The following ZNF341 variants were observed in gnomAD, a reference collection of about 807,000 sequenced individuals.
ZNF341 encodes zinc finger protein 341.
A neutral mutation model predicts 87.7 loss-of-function variants in ZNF341; 52 were observed. That is an observed-to-expected ratio of 0.59 (90% CI 0.47 to 0.75). ZNF341 has a LOEUF of 0.75. Ranked by LOEUF, ZNF341 falls within the 30% of genes least tolerant of loss-of-function variation. The probability of loss-of-function intolerance (pLI) is 0.00; values close to 1 mark genes in which losing one functional copy is unlikely to be tolerated. For missense variants in ZNF341, 977 were observed against 1,145.9 expected (o/e 0.85, Z 2.13); for synonymous variants, 459 against 472.7 (o/e 0.97, Z 0.38).
At position 33,791,429 on chromosome 20, in the gene ZNF341, C is replaced by T. The variant is rs759202264; in HGVS notation, c.2477C>T (p.Ser826Phe). The change falls in exon 15 of 15, where the codon TCC becomes TTC. Residue 826 changes from serine (S) to phenylalanine (F), a missense_variant. Ser to Phe is a radical substitution (Grantham distance 155, BLOSUM62 -2). This residue lies in a region of ZNF341 where 221 missense variants were observed against 212.7 expected (regional missense o/e 1.04). Transcript: ENST00000375200. ...CCTGGACACGCTGAGGGGCTGGGCT[C>T]CAACCTGGCTCTGGCGGAGCTGCAG... ...VVPGHAEGLG[S>F]NLALAELQAG... 2.5e-6 allele frequency: 4 copies of T among 1,611,004 alleles called. No individual in the cohort carries two copies. The highest frequency in any genetic ancestry group is 3.4e-6 in the Non-Finnish European group (4 of 1,179,586).
At chr20:33,736,071 T>C (rs998386283) in intron 1 of ZNF341, among the ~76,000 whole-genome samples, 20 of 147,402 alleles carry the variant, frequency 1.4e-4, no homozygotes, top group Admixed American at 6.8e-5. Context: ...AACCACTCAC[T>C]GAAGAACATC....
At chr20:33,766,059 A>G (rs1418245564) in intron 8 of ZNF341, among the ~76,000 whole-genome samples, 5 of 150,770 alleles carry the variant, frequency 3.3e-5, no homozygotes, top group Non-Finnish European at 4.4e-5. Context: ...ATTTTTTTGT[A>G]TTTTTGGTAG....
At chr20:33,767,157 G>A (rs963434434) in intron 9 of ZNF341, 116 bp downstream of exon 9, 27 of 1,200,134 alleles carry the variant, frequency 2.2e-5, no homozygotes, top group South Asian at 3.0e-5. Flanking sequence ...GACCTTCCAC[G>A]GCTCTATTCC....
chr20:33,777,406 G>A (rs1374077402), intron 10 of ZNF341, among the ~76,000 whole-genome samples: 2 of 151,446 alleles, frequency 1.3e-5, no homozygotes, highest in South Asian at 2.1e-4. Context: ...AGGCTGAGGT[G>A]GGCGGATCAC....
chr20:33,749,024 C>T lies in ZNF341; in HGVS notation c.441C>T (p.Ala147=), dbSNP rs2018999933. 6.2e-7 allele frequency: 1 copy of T among 1,614,212 alleles called. No homozygotes were observed. The highest frequency in any genetic ancestry group is 8.5e-7 in the Non-Finnish European group (1 of 1,180,024). The change falls in exon 4 of 15, where the codon GCC becomes GCT. Residue 147 remains alanine (A), a synonymous_variant. Coordinates refer to ENST00000375200, the MANE Select transcript of ZNF341 (RefSeq NM_001282933.2). ...ATGTGCTCATGTCTGCCATGTCAGC[C>T]TTCACATCCCTGGACCAGCCCATGC... ...SDDVLMSAMS[A]FTSLDQPMPQ...
At chr20:33,770,990 T>C (rs1185947956) in intron 10 of ZNF341, among the ~76,000 whole-genome samples, 1 of 151,506 alleles carries the variant, frequency 6.6e-6, no homozygotes, top group Admixed American at 6.6e-5. Context: ...GGCGTGGTGG[T>C]GGGCGCCTGT....
At chr20:33,762,155 C>T (rs1239646511) in intron 8 of ZNF341, 100 bp downstream of exon 8, 4 of 1,071,998 alleles carry the variant, frequency 3.7e-6, no homozygotes, top group Non-Finnish European at 5.2e-6. Flanking sequence ...CCCATGACCT[C>T]TCTGGGCTTC....
At chr20:33,786,269 G>A (rs1056437809) in intron 12 of ZNF341, among the ~76,000 whole-genome samples, 1 of 152,092 alleles carries the variant, frequency 6.6e-6, no homozygotes. Context: ...CTCCCAAAGT[G>A]CTGGGATTAC....
At chr20:33,737,091 G>T (rs754550391) in intron 1 of ZNF341, among the ~76,000 whole-genome samples, 4 of 152,174 alleles carry the variant, frequency 2.6e-5, no homozygotes, top group African/African-American at 9.7e-5. Flanking sequence ...CTGCCAGATG[G>T]TCTTTGGTGA....
chr20:33,746,014 T>A (rs2018911947), intron 3 of ZNF341, among the ~76,000 whole-genome samples: 2 of 143,350 alleles, frequency 1.4e-5, no homozygotes, highest in Non-Finnish European at 3.0e-5. Context: ...CACCGCAAGC[T>A]CCGCCTCCTG....
chr20:33,771,421 T>G (rs2019529736), intron 10 of ZNF341, among the ~76,000 whole-genome samples: 1 of 151,698 alleles, frequency 6.6e-6, no homozygotes, highest in Non-Finnish European at 1.5e-5. Context: ...AATTTTTGTA[T>G]TTTTTGTAGA....
rs141418652 is a variant in ZNF341, at chr20:33,769,960, G to C, written c.1414-124G>C. 36 of 648,818 alleles carry C rather than the reference G, an allele frequency of 5.5e-5. No homozygotes were observed. The Admixed American group carries it at 7.8e-4, about 14-fold the overall frequency. 40.2% of individuals were successfully genotyped at this position (648,818 alleles called of 1,614,324 possible). ...AAACCCTGGGATCCAGTAGCAGCAGGGGGGCAGAGGGAGCAGTGGTCAGAT... is the reference window on the plus strand; with the variant it reads ...AAACCCTGGGATCCAGTAGCAGCAGCGGGGCAGAGGGAGCAGTGGTCAGAT... On this transcript the variant is annotated intron_variant, in intron 9 of 14. Coordinates refer to ENST00000375200, the MANE Select transcript of ZNF341 (RefSeq NM_001282933.2).
At chr20:33,752,312 T>G in intron 4 of ZNF341, 1 of 610,678 alleles carries the variant, frequency 1.6e-6, no homozygotes, top group Admixed American at 1.9e-5. Flanking sequence ...TGGGACATTC[T>G]TTATTCCTTT....
chr20:33,748,259 A>T (rs1229573141), intron 3 of ZNF341, among the ~76,000 whole-genome samples: 3 of 151,800 alleles, frequency 2.0e-5, no homozygotes, highest in African/African-American at 7.3e-5. Context: ...TTTAGTAGAG[A>T]TGGGGTTTCA....
At chr20:33,777,827 T>C (rs2019659881) in intron 10 of ZNF341, among the ~76,000 whole-genome samples, 1 of 152,138 alleles carries the variant, frequency 6.6e-6, no homozygotes, top group Non-Finnish European at 1.5e-5. Flanking sequence ...CTCTCTTGTG[T>C]CCTATAAGCT....
At chr20:33,765,971 CTTCCGGGTTCAAGCAAT>C (rs1033376883) in intron 8 of ZNF341, among the ~76,000 whole-genome samples, 9 of 152,208 alleles carry the variant, frequency 5.9e-5, no homozygotes, top group African/African-American at 2.2e-4. Flanking sequence ...CGACCTCCAC[CTTCCGGGTTCAAGCAAT>C]TCTCCTGCCT....
intron 3 of ZNF341, among the ~76,000 whole-genome samples, chr20:33,746,015 C>T (rs2018911993): frequency 1.3e-5 from 2 of 150,390 alleles, no homozygotes; most frequent in Non-Finnish European, 3.0e-5. Context: ...ACCGCAAGCT[C>T]CGCCTCCTGG....
Position 33,767,104 on chromosome 20 carries a change from G to A in ZNF341, c.1413+63G>A, listed in dbSNP as rs570216154. Reference sequence around the variant, plus strand: ...AGTCGAAACCTTTCACTGGTGCTAGGGTCTTGAATGCTGCCTAGAAAGGGG... The same window carrying A: ...AGTCGAAACCTTTCACTGGTGCTAGAGTCTTGAATGCTGCCTAGAAAGGGG... On this transcript the variant is annotated intron_variant, in intron 9 of 14. Transcript: ENST00000375200. 1.7e-5 allele frequency: 26 copies of A among 1,538,584 alleles called. No individual in the cohort carries two copies. In the African/African-American group the frequency reaches 3.1e-4, roughly 19 times the overall value.
intron 10 of ZNF341, among the ~76,000 whole-genome samples, chr20:33,779,233 G>A (rs949935900): frequency 1.3e-5 from 2 of 151,972 alleles, no homozygotes; most frequent in African/African-American, 4.8e-5. Flanking sequence ...AGAGGGAGGC[G>A]CCATACACTT....
Sources: allele counts gnomAD v4.1 joint callset (sites outside exome capture counted in the v4.1 genomes callset), GRCh38; gene constraint gnomAD v4.1.1; regional missense constraint gnomAD v4.1.1; transcripts MANE v1.5; gene names NCBI Gene and HGNC (gene_info 2026-07-23, HGNC 2026-07-21).